The following PLXNB2 variants were observed in gnomAD, a reference collection of about 807,000 sequenced individuals.
PLXNB2 encodes plexin-B2.
Under a neutral mutation model 202.6 loss-of-function variants are expected in PLXNB2, and 85 were observed. The observed-to-expected ratio is 0.42, with a 90% CI of 0.35 to 0.50. The LOEUF (loss-of-function observed/expected upper bound fraction) is 0.50, where lower values mean the gene tolerates loss of function less well. PLXNB2 is among the 20% of genes least tolerant of loss of function. The pLI is 0.02. For synonymous variants in PLXNB2, 1,239 were observed against 1,137.6 expected (o/e 1.09, Z -1.79); for missense variants, 2,063 against 2,586.2 (o/e 0.80, Z 4.39).
At position 50,288,659 on chromosome 22, in the gene PLXNB2, C is replaced by T; in HGVS notation, c.1380+84G>A. 1.3e-6 allele frequency: 2 copies of T among 1,550,508 alleles called. No individual in the cohort carries two copies. Among genetic ancestry groups the T allele is most frequent in the South Asian group, 1.2e-5 (1 of 82,546 alleles). On this transcript the variant is annotated intron_variant, in intron 5 of 36. Coordinates refer to ENST00000359337, the MANE Select transcript of PLXNB2 (RefSeq NM_012401.4). This position sits in a 1 kb window ranked among gnomAD's most constrained non-coding sequence, Gnocchi z 5.0. ...TCTGCAGCACCCCATCCTCCTCTGGCCCCCAGGCCTGTCCTAAGGGCCTGG... is the reference window on the plus strand; with the variant it reads ...TCTGCAGCACCCCATCCTCCTCTGGTCCCCAGGCCTGTCCTAAGGGCCTGG...
Position 50,307,577 on chromosome 22 carries a change from A to T in PLXNB2, c.-98T>A, listed in dbSNP as rs1265892579. 1 of 979,966 alleles carries T rather than the reference A, an allele frequency of 1.0e-6. No homozygotes were observed. The highest frequency in any genetic ancestry group is 1.2e-4 in the East Asian group (1 of 8,420). The allele number at this position is 979,966 out of a possible 1,614,324, so 60.7% of individuals were successfully genotyped here. A position where few individuals can be genotyped will look rare whatever the true frequency, so the allele number is the denominator to read the frequency against. On this transcript the variant is annotated 5_prime_UTR_variant, in exon 1 of 37. Transcript: ENST00000359337. ...CCTGCACGTCCGCCGCCAAGGCTCG[A>T]TGGCGCCCGGGCCGCGCTCGGCGCT... is the stretch of plus-strand genomic sequence containing the variant.
At chr22:50,280,413 T>TGCCACCC in intron 25 of PLXNB2, 76 bp downstream of exon 25, 2 of 1,398,076 alleles carry the variant, frequency 1.4e-6, no homozygotes, top group Non-Finnish European at 1.9e-6. Flanking sequence ...CAGGCCGCTG[T>TGCCACCC]GCCACCCGCC....
intron 1 of PLXNB2, among the ~76,000 whole-genome samples, chr22:50,299,162 G>A (rs1159168989): frequency 6.6e-6 from 1 of 152,146 alleles, no homozygotes; most frequent in African/African-American, 2.4e-5. Context: ...AACGAGGAGA[G>A]CTCGGGCCTA....
In PLXNB2 at chr22:50,284,185, G is replaced by A. The variant is rs777066522; in HGVS notation, c.2210C>T (p.Pro737Leu). 3 of 1,612,788 alleles carry A rather than the reference G, an allele frequency of 1.9e-6. No homozygotes were observed. Among genetic ancestry groups the A allele is most frequent in the African/African-American group, 2.7e-5 (2 of 74,872 alleles). ...KLSHDANETL[P>L]LHLYVKSYGK... is the part of the protein sequence containing the mutation. Reference sequence around the variant, plus strand: ...GTAAGACTTGACGTAGAGGTGCAGGGGCAGCGTCTCGTTGGCATCGTGGGA... The same window carrying A: ...GTAAGACTTGACGTAGAGGTGCAGGAGCAGCGTCTCGTTGGCATCGTGGGA... The change falls in exon 13 of 37, where the codon CCC (proline) becomes CTC (leucine). Residue 737 changes from proline (P) to leucine (L), a missense_variant. Pro to Leu is a moderately conservative substitution (Grantham distance 98). Coordinates refer to ENST00000359337, the MANE Select transcript of PLXNB2 (RefSeq NM_012401.4). The surrounding 1 kb of genome is among the most constrained non-coding windows in gnomAD (Gnocchi z 8.0).
At position 50,289,756 on chromosome 22, in the gene PLXNB2, C is replaced by G; in HGVS notation, c.829G>C (p.Gly277Arg). 1 of 1,612,828 alleles carries G rather than the reference C, an allele frequency of 6.2e-7. No homozygotes were observed. Among genetic ancestry groups the G allele is most frequent in the Non-Finnish European group, 8.5e-7 (1 of 1,180,006 alleles). ...GCCACGGAGGCGGCCAGGCAGGTGC[C>G]AAAGGCAGCGGCGTGGATGTCGGGG... ...RDPDIHAAAF[G>R]TCLAASVAAP... The change falls in exon 3 of 37, where the codon GGC (glycine) becomes CGC (arginine). Residue 277 changes from glycine to arginine, a missense_variant. Gly to Arg is a moderately radical substitution (Grantham distance 125). Around this residue, in one of 2 missense-constraint regions of PLXNB2, gnomAD observed 1,303 missense variants for 1,476.8 expected, o/e 0.88. Transcript: ENST00000359337. The surrounding 1 kb of genome is among the most constrained non-coding windows in gnomAD (Gnocchi z 8.0).
chr22:50,281,566 A>C lies in PLXNB2; in HGVS notation c.3522T>G (p.Ile1174Met), dbSNP rs2065994435. Residue 1174 changes from isoleucine to methionine, a missense_variant and splice_region_variant, in exon 21 of 37, where the codon ATT (isoleucine) becomes ATG (methionine). Physicochemically the swap from Ile to Met is conservative, Grantham distance 10. Transcript: ENST00000359337. ...CCCCCGCCAGTCCCCGCTCACGCAC[A>C]ATGAACTCGGGCAGGTTGTGTGTGG... ...RDTTHNLPEF[I>M]VKFGSREWVL... 5 of 1,610,580 alleles carry C rather than the reference A, an allele frequency of 3.1e-6. No homozygotes were observed. Among genetic ancestry groups the C allele is most frequent in the African/African-American group, 1.3e-5 (1 of 74,882 alleles).
At position 50,290,591 on chromosome 22, in the gene PLXNB2, C is replaced by T. The variant is rs1216036821; in HGVS notation, c.-7G>A. On this transcript the variant is annotated 5_prime_UTR_variant, in exon 3 of 37. Coordinates refer to ENST00000359337, the MANE Select transcript of PLXNB2 (RefSeq NM_012401.4). ...CCCAGAGCTGCAGTGCCATTGCCCC[C>T]CGCACCCTGTGGGAAGAGAGAAGGG... 1.3e-6 allele frequency: 2 copies of T among 1,594,708 alleles called. No homozygotes were observed. Among genetic ancestry groups the T allele is most frequent in the South Asian group, 1.1e-5 (1 of 89,614 alleles).
intron 1 of PLXNB2, among the ~76,000 whole-genome samples, chr22:50,298,777 C>G (rs2147672965): frequency 6.6e-6 from 1 of 152,350 alleles, no homozygotes; most frequent in South Asian, 2.1e-4. Context: ...TCTCCAGTAG[C>G]TGGGACTACA....
In PLXNB2 at chr22:50,284,042, C is replaced by G. The variant is rs1388990934; in HGVS notation, c.2264-52G>C. On this transcript the variant is annotated intron_variant, in intron 13 of 36. Transcript: ENST00000359337. The surrounding 1 kb of genome is among the most constrained non-coding windows in gnomAD (Gnocchi z 8.0). ...CACCCCGTGCCTGCCCGCCCCCGAC[C>G]TGCTCCCCACTGCGCCCACCTGTCC... 3 of 1,522,978 alleles carry G rather than the reference C, an allele frequency of 2.0e-6. No individual in the cohort carries two copies. The African/African-American group carries it at 4.1e-5, about 21-fold the overall frequency. The allele number at this position is 1,522,978 out of a possible 1,614,324, so 94.3% of individuals were successfully genotyped here.
At chr22:50,298,672 G>T (rs1270628331) in intron 1 of PLXNB2, among the ~76,000 whole-genome samples, 2 of 152,152 alleles carry the variant, frequency 1.3e-5, no homozygotes, top group African/African-American at 4.8e-5. Flanking sequence ...TCTGAGACAG[G>T]TCTCACTCTG....
chr22:50,279,945 A>G (rs1184231808), intron 26 of PLXNB2, 60 bp downstream of exon 26: 4 of 1,447,428 alleles, frequency 2.8e-6, no homozygotes, highest in Non-Finnish European at 1.9e-6. Context: ...GGAACGCAGG[A>G]GGGGATGGCA....
At position 50,290,086 on chromosome 22, in the gene PLXNB2, C is replaced by T. The variant is rs775699976; in HGVS notation, c.499G>A (p.Val167Met). 3 of 1,613,236 alleles carry T rather than the reference C, an allele frequency of 1.9e-6. No homozygotes were observed. The highest frequency in any genetic ancestry group is 2.5e-6 in the Non-Finnish European group (3 of 1,180,010). Residue 167 changes from valine to methionine, a missense_variant, in exon 3 of 37, where the codon GTG becomes ATG. Transcript: ENST00000359337. ...CCATTGCCTTTGCCCACAAACAGCA[C>T]GCGGTCACCACCAGGACCCGTGGAG... ...VSSTGPGGDR[V>M]LFVGKGNGPH...
intron 1 of PLXNB2, among the ~76,000 whole-genome samples, chr22:50,303,266 C>A (rs970504735): frequency 6.6e-6 from 1 of 152,238 alleles, no homozygotes; most frequent in East Asian, 1.9e-4. Flanking sequence ...CAGCCACCCA[C>A]GCAGCCTGAG....
At position 50,289,190 on chromosome 22, in the gene PLXNB2, G is replaced by A. The variant is rs2066689263; in HGVS notation, c.1069-48C>T. 1.4e-6 allele frequency: 2 copies of A among 1,467,180 alleles called. No homozygotes were observed. The highest frequency in any genetic ancestry group is 1.3e-5 in the South Asian group (1 of 76,796). The allele number at this position is 1,467,180 out of a possible 1,614,324, so 90.9% of individuals were successfully genotyped here. ...GGCAGGCAGACCCCCTGTCCTGAAG[G>A]GCCCTCTCCACTCGCGCTCCAAGAC... is the stretch of plus-strand genomic sequence containing the variant. On this transcript the variant is annotated intron_variant, in intron 3 of 36. Transcript: ENST00000359337. The surrounding 1 kb of genome is among the most constrained non-coding windows in gnomAD (Gnocchi z 8.0).
chr22:50,284,463 G>T lies in PLXNB2; in HGVS notation c.2181+110C>A, dbSNP rs1371688635. Reference sequence around the variant, plus strand: ...ATGGCGAGCCCCTGGCTGGGCTCTGGTCCCTGGGGTCTCCCTGCTGCCCCT... The same window carrying T: ...ATGGCGAGCCCCTGGCTGGGCTCTGTTCCCTGGGGTCTCCCTGCTGCCCCT... On this transcript the variant is annotated intron_variant, in intron 12 of 36. Transcript: ENST00000359337. The surrounding 1 kb of genome is among the most constrained non-coding windows in gnomAD (Gnocchi z 8.0). 3.9e-5 allele frequency: 34 copies of T among 871,954 alleles called. No individual in the cohort carries two copies. The highest frequency in any genetic ancestry group is 5.5e-6 in the Non-Finnish European group (3 of 548,306). 54.0% of individuals were successfully genotyped at this position (871,954 alleles called of 1,614,324 possible). A position where few individuals can be genotyped will look rare whatever the true frequency, so the allele number is the denominator to read the frequency against.
chr22:50,279,548 G>T, intron 27 of PLXNB2, 82 bp downstream of exon 27: 2 of 1,358,912 alleles, frequency 1.5e-6, no homozygotes, highest in Non-Finnish European at 2.1e-6. Context: ...TGGCCTGTGG[G>T]TCCCATCTGT....
chr22:50,287,802 G>A lies in PLXNB2; in HGVS notation c.1482-9C>T, dbSNP rs776838124. ...CGGCCTTCCGGGTGCATCTGCAGGC[G>A]CAGGGGGCGGCCTCAGCCCAGGGTG... On this transcript the variant is annotated splice_polypyrimidine_tract_variant and intron_variant, in intron 6 of 36. Transcript: ENST00000359337. The A allele has an allele frequency of 3.0e-5, 48 of 1,595,144 alleles. No individual in the cohort carries two copies. The highest frequency in any genetic ancestry group is 4.0e-5 in the African/African-American group (3 of 74,958).
intron 30 of PLXNB2, 71 bp from the exon 31 acceptor site, chr22:50,278,342 G>A (rs1004686537): frequency 8.2e-6 from 13 of 1,576,560 alleles, no homozygotes; most frequent in South Asian, 1.1e-5. Flanking sequence ...AGCAGTGGTG[G>A]CAGGGTGGGC....
In PLXNB2 at chr22:50,275,604, G is replaced by A. The variant is rs1406637998; in HGVS notation, c.*100C>T. On this transcript the variant is annotated 3_prime_UTR_variant, in exon 37 of 37. Coordinates refer to ENST00000359337, the MANE Select transcript of PLXNB2 (RefSeq NM_012401.4). ...CTCCGGCTTGGGGCGCGTTCCAGGGGAGGGTGGGGGCCTCAGCCACAGCCA... is the reference window on the plus strand; with the variant it reads ...CTCCGGCTTGGGGCGCGTTCCAGGGAAGGGTGGGGGCCTCAGCCACAGCCA... 2.5e-6 allele frequency: 2 copies of A among 807,538 alleles called. No homozygotes were observed. Among genetic ancestry groups the A allele is most frequent in the Non-Finnish European group, 4.0e-6 (2 of 496,742 alleles). 50.0% of individuals were successfully genotyped at this position (807,538 alleles called of 1,614,324 possible).
Sources: gnomAD v4.1 joint callset for allele counts (sites outside exome capture counted in the v4.1 genomes callset) on GRCh38, gnomAD v4.1.1 for gene constraint, gnomAD v4.1.1 regional missense constraint, Gnocchi (gnomAD v3.1) non-coding constraint, MANE v1.5 for transcripts, NCBI Gene and HGNC (gene_info 2026-07-23, HGNC 2026-07-21) for gene names.